CTNNA3: variants seen among roughly 807,000 people sequenced by gnomAD.
CTNNA3 encodes the protein catenin alpha-3.
Under a neutral mutation model 95.7 loss-of-function variants are expected in CTNNA3, and 76 were observed. The ratio of observed to expected loss-of-function variants is 0.79; its 90% CI spans 0.66 to 0.96. The LOEUF (loss-of-function observed/expected upper bound fraction) is 0.96, where lower values mean the gene tolerates loss of function less well. Ranked by LOEUF, CTNNA3 falls within the 40% of genes least tolerant of loss-of-function variation. The pLI, the probability that CTNNA3 is intolerant of heterozygous loss-of-function variation, is 0.00. For missense variants in CTNNA3, 1,191 were observed against 1,089.8 expected (o/e 1.09, Z -1.31); for synonymous variants, 431 against 374.4 (o/e 1.15, Z -1.74).
intron 12 of CTNNA3, among the ~76,000 whole-genome samples, chr10:66,311,412 G>A (rs906864993): frequency 1.3e-5 from 2 of 152,184 alleles, no homozygotes; most frequent in Admixed American, 6.5e-5. Flanking sequence ...AGTCTTTGTG[G>A]CTAAACTTTT....
At chr10:67,192,290 C>A (rs563366198) in intron 6 of CTNNA3, among the ~76,000 whole-genome samples, 2 of 151,836 alleles carry the variant, frequency 1.3e-5, no homozygotes, top group South Asian at 4.2e-4. Flanking sequence ...GCAAAGCAAA[C>A]AACCAAAAAC....
chr10:66,879,481 AG>A (rs1844760075), intron 7 of CTNNA3, among the ~76,000 whole-genome samples: 2 of 152,134 alleles, frequency 1.3e-5, no homozygotes, highest in African/African-American at 4.8e-5. Flanking sequence ...TCAATCATTC[AG>A]GCATCTATTC....
At chr10:66,723,713 T>G (rs1848698818) in intron 9 of CTNNA3, among the ~76,000 whole-genome samples, 2 of 152,206 alleles carry the variant, frequency 1.3e-5, no homozygotes, top group Admixed American at 6.5e-5. Flanking sequence ...CAATAGGTTT[T>G]GCTCTATATA....
chr10:66,301,120 T>C (rs79425620), intron 12 of CTNNA3, among the ~76,000 whole-genome samples: 3,015 of 152,186 alleles, frequency 0.02, 108 homozygotes, highest in African/African-American at 0.068. Flanking sequence ...CTGAAACTCA[T>C]ATACACAGAC....
At chr10:66,240,541 G>C (rs1267429535) in intron 13 of CTNNA3, among the ~76,000 whole-genome samples, 1 of 151,988 alleles carries the variant, frequency 6.6e-6, no homozygotes, top group African/African-American at 2.4e-5. Context: ...TAAAGGAACA[G>C]ACTACAAAAT....
At chr10:66,690,678 T>G (rs1391143726) in intron 9 of CTNNA3, among the ~76,000 whole-genome samples, 2 of 151,968 alleles carry the variant, frequency 1.3e-5, no homozygotes, top group Non-Finnish European at 2.9e-5. Context: ...CTGCATAGTA[T>G]TCCATGGTGT....
intron 9 of CTNNA3, among the ~76,000 whole-genome samples, chr10:66,669,346 C>A (rs1326767480): frequency 6.6e-6 from 1 of 152,004 alleles, no homozygotes; most frequent in Non-Finnish European, 1.5e-5. Flanking sequence ...GAGTTCGAGA[C>A]CATCCTGGCC....
intron 11 of CTNNA3, among the ~76,000 whole-genome samples, chr10:66,444,387 T>C (rs2093401328): frequency 6.6e-6 from 1 of 151,866 alleles, no homozygotes; most frequent in Non-Finnish European, 1.5e-5. Context: ...TTCACCAAAG[T>C]TGAAATGAAG....
At chr10:66,097,674 C>G (rs1183167525) in intron 14 of CTNNA3, among the ~76,000 whole-genome samples, 1 of 152,098 alleles carries the variant, frequency 6.6e-6, no homozygotes, top group Admixed American at 6.6e-5. Context: ...TCCCCAAACT[C>G]TCTTTCAATC....
intron 5 of CTNNA3, among the ~76,000 whole-genome samples, chr10:67,348,502 G>A (rs747991565): frequency 3.9e-5 from 6 of 152,064 alleles, no homozygotes; most frequent in Non-Finnish European, 7.4e-5. Flanking sequence ...TACACAAAGC[G>A]TGGCACCAGC....
chr10:67,366,099 C>G (rs962941660), intron 5 of CTNNA3, among the ~76,000 whole-genome samples: 1 of 152,146 alleles, frequency 6.6e-6, no homozygotes, highest in East Asian at 1.9e-4. Flanking sequence ...AGTCAACTAT[C>G]ACAAGGACAG....
chr10:66,877,422 C>T (rs1844668227), intron 7 of CTNNA3, among the ~76,000 whole-genome samples: 1 of 152,140 alleles, frequency 6.6e-6, no homozygotes, highest in Admixed American at 6.5e-5. Flanking sequence ...GGACTGGGGC[C>T]AGGGATTAAC....
intron 1 of CTNNA3, among the ~76,000 whole-genome samples, chr10:67,678,646 T>C (rs1185238201): frequency 6.6e-6 from 1 of 152,102 alleles, no homozygotes; most frequent in African/African-American, 2.4e-5. Context: ...GCTTAGCAGT[T>C]GAGAGAAAAT....
intron 11 of CTNNA3, among the ~76,000 whole-genome samples, chr10:66,456,701 AAACAACAAC>A (rs1295626896): frequency 6.6e-6 from 1 of 151,740 alleles, no homozygotes; most frequent in Non-Finnish European, 1.5e-5. Context: ...AACACAAACA[AAACAACAAC>A]AACAACAACC....
intron 9 of CTNNA3, among the ~76,000 whole-genome samples, chr10:66,651,759 T>G (rs978601098): frequency 1.7e-5 from 2 of 115,878 alleles, no homozygotes; most frequent in Non-Finnish European, 3.6e-5. Context: ...CGGCTCCGAG[T>G]GCGGGGCCAG....
At chr10:66,049,855 C>A (rs2079910007) in intron 15 of CTNNA3, among the ~76,000 whole-genome samples, 1 of 151,960 alleles carries the variant, frequency 6.6e-6, no homozygotes, top group South Asian at 2.1e-4. Context: ...GGGCTTAATA[C>A]CTGGGTGATG....
intron 6 of CTNNA3, 80 bp from the exon 7 acceptor site, chr10:67,180,600 C>T (rs1422488820): frequency 8.4e-7 from 1 of 1,195,956 alleles, no homozygotes; most frequent in East Asian, 2.4e-5. Flanking sequence ...TTTGTTTTTG[C>T]ATTTAGAATT....
intron 9 of CTNNA3, among the ~76,000 whole-genome samples, chr10:66,698,725 C>T (rs1847847653): frequency 6.6e-6 from 1 of 152,088 alleles, no homozygotes; most frequent in African/African-American, 2.4e-5. Context: ...GCCTATATTA[C>T]TGAGAGATAA....
At chr10:66,635,519 T>G (rs183321305) in intron 9 of CTNNA3, among the ~76,000 whole-genome samples, 1 of 152,276 alleles carries the variant, frequency 6.6e-6, no homozygotes, top group Non-Finnish European at 1.5e-5. Flanking sequence ...TAAAGAGAGA[T>G]ACAATATATT....
Sources: gnomAD v4.1 joint callset for allele counts (sites outside exome capture counted in the v4.1 genomes callset) on GRCh38, gnomAD v4.1.1 for gene constraint, MANE v1.5 for transcripts, NCBI Gene and HGNC (gene_info 2026-07-23, HGNC 2026-07-21) for gene names.